The following CSMD1 variants were observed in gnomAD, a reference collection of about 807,000 sequenced individuals.
CSMD1 encodes CUB and sushi domain-containing protein 1.
CSMD1 carries 213 observed loss-of-function variants against 417.5 expected under a neutral mutation model. That is an observed-to-expected ratio of 0.51 (90% CI 0.46 to 0.57). The LOEUF (loss-of-function observed/expected upper bound fraction) is 0.57. Among genes scored for constraint, CSMD1 ranks in the 20% least tolerant of loss-of-function variants. The pLI is 0.00. For missense variants in CSMD1, 6,923 were observed against 4,529.7 expected (o/e 1.53, Z -15.17); for synonymous variants, 2,862 against 1,736.8 (o/e 1.65, Z -16.11).
chr8:3,323,664 T>A (rs760237822), intron 23 of CSMD1, among the ~76,000 whole-genome samples: 1 of 152,204 alleles, frequency 6.6e-6, no homozygotes, highest in Non-Finnish European at 1.5e-5. Flanking sequence ...ACACATGACC[T>A]GGGATATGAC....
chr8:4,353,123 C>A (rs541336580), intron 3 of CSMD1, among the ~76,000 whole-genome samples: 3 of 152,148 alleles, frequency 2.0e-5, no homozygotes, highest in African/African-American at 7.2e-5. Flanking sequence ...GGTTTATGTT[C>A]TCTGATATGG....
chr8:4,118,189 C>G (rs73658584), intron 3 of CSMD1, among the ~76,000 whole-genome samples: 2 of 151,872 alleles, frequency 1.3e-5, no homozygotes, highest in Non-Finnish European at 2.9e-5. Context: ...TTTATGCTGG[C>G]AAATAGCTAT....
intron 1 of CSMD1, among the ~76,000 whole-genome samples, chr8:4,750,897 G>T (rs796569018): frequency 6.6e-6 from 1 of 152,196 alleles, no homozygotes; most frequent in African/African-American, 2.4e-5. Flanking sequence ...AGCAGTACTA[G>T]GTCTTACTAA....
chr8:4,846,446 G>A (rs1801151698), intron 1 of CSMD1, among the ~76,000 whole-genome samples: 1 of 152,148 alleles, frequency 6.6e-6, no homozygotes, highest in Non-Finnish European at 1.5e-5. Flanking sequence ...TGAGGTTTTG[G>A]CAGCACGGCT....
At chr8:4,957,845 C>T (rs1234303738) in intron 1 of CSMD1, among the ~76,000 whole-genome samples, 1 of 152,180 alleles carries the variant, frequency 6.6e-6, no homozygotes, top group Admixed American at 6.5e-5. Context: ...CAATACTCAG[C>T]TCCTGCAGTC....
chr8:3,614,510 G>C (rs1278782425), intron 8 of CSMD1, among the ~76,000 whole-genome samples: 1 of 152,186 alleles, frequency 6.6e-6, no homozygotes, highest in African/African-American at 2.4e-5. Flanking sequence ...GTGCTAAGAA[G>C]ACATTGGCCT....
intron 51 of CSMD1, among the ~76,000 whole-genome samples, chr8:3,024,713 C>T (rs1289875784): frequency 2.6e-5 from 4 of 152,126 alleles, no homozygotes; most frequent in African/African-American, 9.7e-5. Flanking sequence ...TTCTCTGATA[C>T]TATTAAGTGA....
chr8:4,744,768 T>C (rs1185983521), intron 1 of CSMD1, among the ~76,000 whole-genome samples: 7 of 152,184 alleles, frequency 4.6e-5, no homozygotes, highest in African/African-American at 1.7e-4. Flanking sequence ...TCTTGTTCAC[T>C]GAAATCTTGT....
intron 5 of CSMD1, among the ~76,000 whole-genome samples, chr8:3,835,654 A>G (rs1802646087): frequency 1.3e-5 from 2 of 151,904 alleles, no homozygotes; most frequent in Admixed American, 1.3e-4. Context: ...TGGCACATGT[A>G]TACATATGTA....
chr8:4,412,066 T>A (rs1460513265), intron 3 of CSMD1, among the ~76,000 whole-genome samples: 1 of 151,780 alleles, frequency 6.6e-6, no homozygotes, highest in Non-Finnish European at 1.5e-5. Flanking sequence ...TCTGATATAG[T>A]TCAGATATTT....
intron 10 of CSMD1, among the ~76,000 whole-genome samples, chr8:3,525,972 T>C (rs759114429): frequency 1.3e-5 from 2 of 152,148 alleles, no homozygotes; most frequent in African/African-American, 2.4e-5. Flanking sequence ...TCAGCTCTGG[T>C]AAAATCAGCA....
At chr8:3,262,032 A>C (rs1391918918) in intron 26 of CSMD1, among the ~76,000 whole-genome samples, 1 of 151,696 alleles carries the variant, frequency 6.6e-6, no homozygotes, top group Non-Finnish European at 1.5e-5. Flanking sequence ...TCTCTGTTTT[A>C]TTTGTTGCCA....
chr8:3,780,292 G>C (rs1469010543), intron 5 of CSMD1, among the ~76,000 whole-genome samples: 1 of 152,200 alleles, frequency 6.6e-6, no homozygotes, highest in Non-Finnish European at 1.5e-5. Flanking sequence ...TGAGCAATTA[G>C]TTCGTATTCC....
chr8:3,250,706 C>A (rs1283101595), intron 26 of CSMD1, among the ~76,000 whole-genome samples: 1 of 152,204 alleles, frequency 6.6e-6, no homozygotes, highest in African/African-American at 2.4e-5. Flanking sequence ...TTCTCCACAT[C>A]CTCTCCAGCA....
chr8:3,315,110 T>G (rs1805651511), intron 23 of CSMD1, among the ~76,000 whole-genome samples: 1 of 152,212 alleles, frequency 6.6e-6, no homozygotes, highest in Non-Finnish European at 1.5e-5. Context: ...ACATTTCAAT[T>G]GGGATAATGT....
intron 3 of CSMD1, among the ~76,000 whole-genome samples, chr8:4,326,515 G>C (rs7018359): frequency 0.39 from 59,580 of 152,066 alleles, 13,032 homozygotes; most frequent in East Asian, 0.63. Flanking sequence ...CCATAAACGA[G>C]AGGTAGTGCA....
At chr8:4,277,493 T>G (rs1585144179) in intron 3 of CSMD1, among the ~76,000 whole-genome samples, 1 of 152,258 alleles carries the variant, frequency 6.6e-6, no homozygotes, top group South Asian at 2.1e-4. Flanking sequence ...AAGCATATTC[T>G]CATTGTTTCC....
At chr8:4,319,874 C>A (rs1460319980) in intron 3 of CSMD1, among the ~76,000 whole-genome samples, 3 of 152,048 alleles carry the variant, frequency 2.0e-5, no homozygotes, top group Non-Finnish European at 4.4e-5. Context: ...ACAGAGGTAC[C>A]CAAGGCTGAG....
At chr8:3,342,938 G>A (rs186718246) in intron 23 of CSMD1, among the ~76,000 whole-genome samples, 63 of 151,414 alleles carry the variant, frequency 4.2e-4, no homozygotes, top group African/African-American at 1.4e-3. Flanking sequence ...TATTACCTCC[G>A]GTTGTATCAA....
Sources: allele counts gnomAD v4.1 joint callset (sites outside exome capture counted in the v4.1 genomes callset), GRCh38; gene constraint gnomAD v4.1.1; transcripts MANE v1.5; gene names NCBI Gene and HGNC (gene_info 2026-07-23, HGNC 2026-07-21).